The following NFE2L3 variants were observed in gnomAD, a reference collection of about 807,000 sequenced individuals.
The protein encoded by NFE2L3 is nuclear factor erythroid 2-related factor 3.
In NFE2L3, 18 loss-of-function variants were observed where a neutral mutation model predicts 23.5. That is an observed-to-expected ratio of 0.77 (90% CI 0.53 to 1.13). The LOEUF (loss-of-function observed/expected upper bound fraction) is 1.13. Ranked by LOEUF, NFE2L3 falls within the 50% of genes most tolerant of loss-of-function variation. The probability of loss-of-function intolerance (pLI) is 0.00; values close to 1 mark genes in which losing one functional copy is unlikely to be tolerated. For synonymous variants in NFE2L3, 424 were observed against 354.5 expected (o/e 1.20, Z -2.20); for missense variants, 1,152 against 877.2 (o/e 1.31, Z -3.96).
chr7:26,182,371 C>T (rs896016620), intron 2 of NFE2L3, among the ~76,000 whole-genome samples: 2 of 152,160 alleles, frequency 1.3e-5, no homozygotes, highest in Non-Finnish European at 2.9e-5. Flanking sequence ...TGCCTGTAAT[C>T]CCAACTCTTT....
Position 26,185,576 on chromosome 7 carries a change from ATG to A in NFE2L3, c.1880_1881del (p.Cys627Ter). ...KETLKREQAQ[C>X]NKAINIMKQK... is the part of the protein sequence containing the mutation. Reference sequence around the variant, plus strand: ...AAACTCTTAAGAGAGAGCAAGCACAATGTAACAAAGCTATTAACATAATGAAA... The same window carrying A: ...AAACTCTTAAGAGAGAGCAAGCACAATAACAAAGCTATTAACATAATGAAA... On this transcript the variant is annotated frameshift_variant, in exon 4 of 4. Transcript: ENST00000056233. LOFTEE classifies it high-confidence loss of function. The A allele has an allele frequency of 6.2e-7, 1 of 1,613,866 alleles. No homozygotes were observed. The highest frequency in any genetic ancestry group is 8.5e-7 in the Non-Finnish European group (1 of 1,179,790).
intron 1 of NFE2L3, among the ~76,000 whole-genome samples, chr7:26,175,318 C>T (rs916379235): frequency 6.6e-6 from 1 of 151,826 alleles, no homozygotes; most frequent in African/African-American, 2.4e-5. Context: ...CGAGATCTCG[C>T]CACTGCGCTC....
chr7:26,173,970 G>A (rs889852244), intron 1 of NFE2L3: 1 of 152,212 alleles, frequency 6.6e-6, no homozygotes, highest in Non-Finnish European at 1.5e-5. Context: ...TTTTTATATA[G>A]AGAGATTAAG....
In NFE2L3 at chr7:26,178,049, A is replaced by G. The variant is rs112318468; in HGVS notation, c.677A>G (p.Asn226Ser). ...SAQKENSLQQNDDDENKIAEK... is the reference protein window; with the variant it reads ...SAQKENSLQQSDDDENKIAEK... ...CAGAAGGAGAACTCACTTCAGCAGAATGATGATGATGAAAACAAAATAGCA... is the reference window on the plus strand; with the variant it reads ...CAGAAGGAGAACTCACTTCAGCAGAGTGATGATGATGAAAACAAAATAGCA... Residue 226 changes from asparagine to serine, a missense_variant, in exon 2 of 4, where the codon AAT becomes AGT. Physicochemically the swap from Asn to Ser is conservative, Grantham distance 46. Coordinates refer to ENST00000056233, the MANE Select transcript of NFE2L3 (RefSeq NM_004289.7). 2.0e-4 allele frequency: 322 copies of G among 1,612,324 alleles called. 1 individual carries two copies. The African/African-American group carries it at 4.0e-3, about 20-fold the overall frequency.
chr7:26,179,029 G>A (rs1426413851), intron 2 of NFE2L3, among the ~76,000 whole-genome samples: 3 of 151,776 alleles, frequency 2.0e-5, no homozygotes, highest in Non-Finnish European at 4.4e-5. Flanking sequence ...AATATTACAT[G>A]GAACATTACT....
chr7:26,179,618 A>C (rs1357523196), intron 2 of NFE2L3, among the ~76,000 whole-genome samples: 1 of 151,662 alleles, frequency 6.6e-6, no homozygotes, highest in East Asian at 1.9e-4. Flanking sequence ...AGGTGGGAGG[A>C]TCACTTGAGC....
At chr7:26,155,434 T>C (rs1001894628) in intron 1 of NFE2L3, among the ~76,000 whole-genome samples, 1 of 151,960 alleles carries the variant, frequency 6.6e-6, no homozygotes, top group Non-Finnish European at 1.5e-5. Flanking sequence ...AGAGTGAGAC[T>C]CTGTCTCAAA....
At chr7:26,183,480 A>G (rs1215416069) in intron 2 of NFE2L3, among the ~76,000 whole-genome samples, 1 of 143,938 alleles carries the variant, frequency 6.9e-6, no homozygotes, top group Non-Finnish European at 1.6e-5. Flanking sequence ...CCTGGGAGGC[A>G]GAGGGTGTAG....
rs565103912 is a variant in NFE2L3, at chr7:26,153,225, A to C, written c.570+157A>C. Among the ~76,000 whole-genome samples, 5 of 152,328 alleles carry C rather than the reference A, an allele frequency of 3.3e-5. No individual in the cohort carries two copies. In the South Asian group the frequency reaches 1.0e-3, roughly 32 times the overall value. The stretch of plus-strand genomic sequence containing the variant: ...CGCAGATGCTGCTGCTCTGATTCCG[A>C]ATGAAGGGCTACTAGTGCTGTCGCT... On this transcript the variant is annotated intron_variant, in intron 1 of 3. Coordinates refer to ENST00000056233, the MANE Select transcript of NFE2L3 (RefSeq NM_004289.7).
intron 1 of NFE2L3, among the ~76,000 whole-genome samples, chr7:26,169,416 A>C (rs1784301597): frequency 6.6e-6 from 1 of 152,218 alleles, no homozygotes; most frequent in Non-Finnish European, 1.5e-5. Context: ...ACATTGGGCC[A>C]AGATGGCCTT....
chr7:26,154,932 A>C (rs1784059242), intron 1 of NFE2L3, among the ~76,000 whole-genome samples: 1 of 152,062 alleles, frequency 6.6e-6, no homozygotes, highest in South Asian at 2.1e-4. Flanking sequence ...TAGGGGAGAG[A>C]GTGAAGTTCC....
chr7:26,167,928 A>AT, intron 1 of NFE2L3, among the ~76,000 whole-genome samples: 1 of 152,050 alleles, frequency 6.6e-6, no homozygotes, highest in Non-Finnish European at 1.5e-5. Context: ...TGATTTTTTA[A>AT]TTTTTTAATT....
intron 1 of NFE2L3, among the ~76,000 whole-genome samples, chr7:26,163,218 C>G (rs1784198951): frequency 1.3e-5 from 2 of 152,186 alleles, no homozygotes; most frequent in Admixed American, 1.3e-4. Flanking sequence ...TTGTTCCTTT[C>G]TTACTCTTCC....
At position 26,184,736 on chromosome 7, in the gene NFE2L3, T is replaced by A. The variant is rs142226825; in HGVS notation, c.1038T>A (p.Asn346Lys). ...SQSQEPFLQL[N>K]SHTTNPEQTL... ...CACAAGAACCATTTCTGCAGTTAAATTCTCATACCACCAATCCTGAGCAAA... is the reference window on the plus strand; with the variant it reads ...CACAAGAACCATTTCTGCAGTTAAAATCTCATACCACCAATCCTGAGCAAA... Residue 346 changes from asparagine to lysine, a missense_variant, in exon 4 of 4, where the codon AAT (asparagine) becomes AAA (lysine). Transcript: ENST00000056233. The A allele has an allele frequency of 1.1e-3, 1,818 of 1,613,948 alleles. 4 individuals are homozygous for A. The highest frequency in any genetic ancestry group is 1.4e-3 in the Non-Finnish European group (1,697 of 1,179,856).
chr7:26,174,109 G>A (rs773015498), intron 1 of NFE2L3: 3 of 152,260 alleles, frequency 2.0e-5, no homozygotes, highest in Non-Finnish European at 4.4e-5. Context: ...TGGTGGACCT[G>A]AGAACTGAGC....
intron 1 of NFE2L3, among the ~76,000 whole-genome samples, chr7:26,161,591 G>A (rs556302992): frequency 5.9e-5 from 9 of 152,018 alleles, no homozygotes; most frequent in South Asian, 4.2e-4. Context: ...CTCAGTGTCC[G>A]GCAATACCTG....
intron 3 of NFE2L3, 34 bp from the exon 4 acceptor site, chr7:26,184,499 T>C (rs763350412): frequency 6.4e-7 from 1 of 1,569,386 alleles, no homozygotes; most frequent in Non-Finnish European, 8.6e-7. Flanking sequence ...AATAGGGCTA[T>C]TCATGTTTGA....
chr7:26,176,115 G>A (rs373869656), intron 1 of NFE2L3, among the ~76,000 whole-genome samples: 3 of 151,924 alleles, frequency 2.0e-5, no homozygotes, highest in South Asian at 2.1e-4. Context: ...ATCTTGCACC[G>A]CCCTTAATCC....
At position 26,178,086 on chromosome 7, in the gene NFE2L3, C is replaced by T. The variant is rs779107912; in HGVS notation, c.714C>T (p.Asp238=). The part of the protein sequence containing the change: ...DDENKIAEKP[D]WEAEKTTESR... ...AAAACAAAATAGCAGAGAAACCTGA[C>T]TGGGAGGCAGAAAAGACCACTGAAT... Residue 238 remains aspartate, a synonymous_variant, in exon 2 of 4, where the codon GAC becomes GAT. Coordinates refer to ENST00000056233, the MANE Select transcript of NFE2L3 (RefSeq NM_004289.7). 1 of 1,613,934 alleles carries T rather than the reference C, an allele frequency of 6.2e-7. No individual in the cohort carries two copies. Among genetic ancestry groups the T allele is most frequent in the Admixed American group, 1.7e-5 (1 of 60,004 alleles).
Sources: gnomAD v4.1 joint callset for allele counts (sites outside exome capture counted in the v4.1 genomes callset) on GRCh38, gnomAD v4.1.1 for gene constraint, MANE v1.5 for transcripts, NCBI Gene and HGNC (gene_info 2026-07-23, HGNC 2026-07-21) for gene names.